APBA1: variants seen among roughly 807,000 people sequenced by gnomAD.
APBA1 encodes the protein amyloid beta precursor protein binding family A member 1.
Under a neutral mutation model 86.6 loss-of-function variants are expected in APBA1, and 55 were observed. The observed-to-expected ratio is 0.64, with a 90% CI of 0.51 to 0.80. The LOEUF (loss-of-function observed/expected upper bound fraction) is 0.80. Among genes scored for constraint, APBA1 ranks in the 30% least tolerant of loss-of-function variants. The pLI, the probability that APBA1 is intolerant of heterozygous loss-of-function variation, is 0.00. For synonymous variants in APBA1, 511 were observed against 493.9 expected, an observed-to-expected ratio of 1.03 and a Z score of -0.46; for missense variants, 1,090 against 1,183.0, an observed-to-expected ratio of 0.92 and a Z score of 1.15.
Position 69,432,675 on chromosome 9 carries a change from A to T in APBA1, c.2303T>A (p.Ile768Asn). The T allele has an allele frequency of 6.3e-7, 1 of 1,578,182 alleles. No individual in the cohort carries two copies. Among genetic ancestry groups the T allele is most frequent in the Non-Finnish European group, 8.6e-7 (1 of 1,164,922 alleles). Reference sequence around the variant, plus strand: ...TATTCCCCCTCGCATGAGGCTGCAGATCTGCCAGAGTCAAAGGCAGAGTTA... The same window carrying T: ...TATTCCCCCTCGCATGAGGCTGCAGTTCTGCCAGAGTCAAAGGCAGAGTTA... ...QLGFSVQNGI[I>N]CSLMRGGIAE... is the part of the protein sequence containing the mutation. The change falls in exon 12 of 13, where the codon ATC becomes AAC. Residue 768 changes from isoleucine (I) to asparagine (N), a missense_variant and splice_region_variant. Ile to Asn is a moderately radical substitution (Grantham distance 149). Transcript: ENST00000265381.
intron 3 of APBA1, among the ~76,000 whole-genome samples, chr9:69,475,633 C>T (rs936580573): frequency 6.6e-6 from 1 of 152,180 alleles, no homozygotes; most frequent in Non-Finnish European, 1.5e-5. Flanking sequence ...AACACATTTC[C>T]CAAAGCACAC....
At chr9:69,504,273 G>A (rs567627195) in intron 2 of APBA1, among the ~76,000 whole-genome samples, 7 of 151,960 alleles carry the variant, frequency 4.6e-5, no homozygotes, top group African/African-American at 1.5e-4. Context: ...TTGGCTCCAG[G>A]ACATGGTCTT....
chr9:69,593,269 T>A, intron 1 of APBA1, among the ~76,000 whole-genome samples: 1 of 152,238 alleles, frequency 6.6e-6, no homozygotes, highest in East Asian at 1.9e-4. Flanking sequence ...TGTGCTTATC[T>A]GTGTCTAGTT....
chr9:69,482,037 T>A (rs1200264541), intron 2 of APBA1, among the ~76,000 whole-genome samples: 18 of 151,052 alleles, frequency 1.2e-4, no homozygotes, highest in African/African-American at 2.7e-4. Flanking sequence ...AACCTAGGCA[T>A]TACCATTCAG....
chr9:69,441,725 G>A (rs1350847809), intron 10 of APBA1, among the ~76,000 whole-genome samples: 1 of 152,192 alleles, frequency 6.6e-6, no homozygotes, highest in African/African-American at 2.4e-5. Context: ...TGGGAGAATG[G>A]GGAGGGTTGT....
At chr9:69,495,813 T>G (rs1835785235) in intron 2 of APBA1, among the ~76,000 whole-genome samples, 1 of 152,024 alleles carries the variant, frequency 6.6e-6, no homozygotes, top group Non-Finnish European at 1.5e-5. Context: ...AGAGGCTCTC[T>G]CAGGACCTGC....
intron 1 of APBA1, among the ~76,000 whole-genome samples, chr9:69,545,747 C>T (rs1034328828): frequency 6.6e-5 from 10 of 152,170 alleles, no homozygotes; most frequent in African/African-American, 2.2e-4. Context: ...ATCACGCATT[C>T]ATGATGATGA....
intron 1 of APBA1, among the ~76,000 whole-genome samples, chr9:69,591,721 T>C (rs1354635213): frequency 6.6e-6 from 1 of 152,186 alleles, no homozygotes; most frequent in African/African-American, 2.4e-5. Context: ...CTCTCTTTTG[T>C]CTTGTCACTA....
chr9:69,589,522 T>C (rs918528795), intron 1 of APBA1, among the ~76,000 whole-genome samples: 1 of 152,166 alleles, frequency 6.6e-6, no homozygotes, highest in Admixed American at 6.5e-5. Context: ...TGACAAGATT[T>C]GGAGCATGAA....
At chr9:69,670,474 G>T (rs912438709) in intron 1 of APBA1, among the ~76,000 whole-genome samples, 7 of 152,176 alleles carry the variant, frequency 4.6e-5, no homozygotes, top group African/African-American at 1.7e-4. Flanking sequence ...ACTAAAACAT[G>T]TCCTAAGCAG....
At chr9:69,568,912 C>A (rs1837072532) in intron 1 of APBA1, among the ~76,000 whole-genome samples, 1 of 152,132 alleles carries the variant, frequency 6.6e-6, no homozygotes, top group African/African-American at 2.4e-5. Flanking sequence ...TCCAGCTAAG[C>A]TTTTTAGAGG....
At chr9:69,577,528 G>A (rs1467885276) in intron 1 of APBA1, among the ~76,000 whole-genome samples, 2 of 152,176 alleles carry the variant, frequency 1.3e-5, no homozygotes, top group Admixed American at 1.3e-4. Flanking sequence ...TTGGAAAGGA[G>A]ACTGGAGGGT....
At chr9:69,623,579 A>G (rs763371201) in intron 1 of APBA1, among the ~76,000 whole-genome samples, 7 of 152,202 alleles carry the variant, frequency 4.6e-5, no homozygotes, top group Non-Finnish European at 1.0e-4. Context: ...GGCCCTGACT[A>G]GATCTAATTG....
chr9:69,610,282 T>C (rs1038534779), intron 1 of APBA1, among the ~76,000 whole-genome samples: 1 of 152,154 alleles, frequency 6.6e-6, no homozygotes, highest in Non-Finnish European at 1.5e-5. Context: ...ATCCTGTTAC[T>C]GCAGTCCAGC....
At chr9:69,598,731 C>A (rs866311567) in intron 1 of APBA1, among the ~76,000 whole-genome samples, 3 of 152,136 alleles carry the variant, frequency 2.0e-5, no homozygotes, top group Admixed American at 6.6e-5. Flanking sequence ...CAAGATCCAC[C>A]TGTGGGGAGA....
At chr9:69,529,021 C>T (rs1836385130) in intron 1 of APBA1, among the ~76,000 whole-genome samples, 1 of 151,960 alleles carries the variant, frequency 6.6e-6, no homozygotes, top group African/African-American at 2.4e-5. Flanking sequence ...TGTCTCTATT[C>T]TCTCAAGTTT....
chr9:69,566,654 C>T (rs1346553467), intron 1 of APBA1, among the ~76,000 whole-genome samples: 1 of 152,176 alleles, frequency 6.6e-6, no homozygotes, highest in East Asian at 1.9e-4. Context: ...ATCTGCTCTC[C>T]TAAAACTCTC....
rs550277920 is a variant in APBA1, at chr9:69,629,736, GC to G, written c.-70+42416del. On this transcript the variant is annotated intron_variant, in intron 1 of 12. Transcript: ENST00000265381. ...TGCTATGTATTGACCCAGTTCTAGT[GC>G]TGGGGTTACCCCAGTAAATGAGACT... Among the ~76,000 whole-genome samples the G allele has an allele frequency of 4.9e-4, 75 of 152,284 alleles. 1 individual carries two copies. Among genetic ancestry groups the G allele is most frequent in the African/African-American group, 1.7e-3 (71 of 41,574 alleles).
chr9:69,523,477 G>GTATA (rs1163577400), intron 1 of APBA1, among the ~76,000 whole-genome samples: 2,934 of 79,942 alleles, frequency 0.037, 139 homozygotes, highest in South Asian at 0.077. Context: ...ATATATATAT[G>GTATA]TATATATATA....
Sources: gnomAD v4.1 joint callset for allele counts (sites outside exome capture counted in the v4.1 genomes callset) on GRCh38, gnomAD v4.1.1 for gene constraint, MANE v1.5 for transcripts, NCBI Gene and HGNC (gene_info 2026-07-23, HGNC 2026-07-21) for gene names.